The following CENPP variants were observed in gnomAD, a reference collection of about 807,000 sequenced individuals.
The protein encoded by CENPP is centromere protein P.
Under a neutral mutation model 35.6 loss-of-function variants are expected in CENPP, and 24 were observed. The ratio of observed to expected loss-of-function variants is 0.67; its 90% confidence interval spans 0.49 to 0.95. The LOEUF is 0.95. CENPP is among the 40% of genes least tolerant of loss of function. CENPP has a pLI of 0.00. For missense variants in CENPP, 332 were observed against 345.3 expected (o/e 0.96, Z 0.31); for synonymous variants, 120 against 125.5 (o/e 0.96, Z 0.29).
intron 5 of CENPP, among the ~76,000 whole-genome samples, chr9:92,425,643 A>G (rs1293230234): frequency 6.6e-6 from 1 of 152,220 alleles, no homozygotes; most frequent in African/African-American, 2.4e-5. Flanking sequence ...TTTACAAAGA[A>G]CTCACAAGAT....
rs79080591 is a variant in CENPP at position 92,392,322 on chromosome 9, G to C, written c.564+12463G>C. Among the ~76,000 whole-genome samples, 335 of 152,208 alleles carry C rather than the reference G, an allele frequency of 2.2e-3. 4 individuals carry two copies. In the East Asian group the frequency reaches 0.04, roughly 18 times the overall value. Reference sequence around the variant, plus strand: ...CCCTGGGAAGTAGGACCTAGTATCAGTATTTAAAAAATACTTCCCTGCCGG... The same window carrying C: ...CCCTGGGAAGTAGGACCTAGTATCACTATTTAAAAAATACTTCCCTGCCGG... On this transcript the variant is annotated intron_variant, in intron 5 of 7. Transcript: ENST00000375587.
chr9:92,426,678 G>A (rs1843976402), intron 5 of CENPP, among the ~76,000 whole-genome samples: 1 of 152,130 alleles, frequency 6.6e-6, no homozygotes, highest in African/African-American at 2.4e-5. Context: ...TATGGCAGAT[G>A]GTGAGAGCCA....
chr9:92,581,040 T>G (rs1219345843), intron 5 of CENPP, among the ~76,000 whole-genome samples: 3 of 152,224 alleles, frequency 2.0e-5, no homozygotes, highest in African/African-American at 7.2e-5. Flanking sequence ...TCTTTATTTC[T>G]GCCTTCATTT....
intron 5 of CENPP, among the ~76,000 whole-genome samples, chr9:92,486,738 T>G (rs78003914): frequency 0.015 from 2,295 of 152,154 alleles, 60 homozygotes; most frequent in African/African-American, 0.051. Context: ...TTATGAAAAA[T>G]GAAGGACTTA....
At chr9:92,562,498 G>A (rs934378999) in intron 5 of CENPP, among the ~76,000 whole-genome samples, 8 of 151,972 alleles carry the variant, frequency 5.3e-5, no homozygotes, top group African/African-American at 1.5e-4. Flanking sequence ...GAGCCACCGC[G>A]CCCTGCCCCA....
intron 5 of CENPP, chr9:92,415,361 A>G: frequency 6.2e-7 from 1 of 1,612,692 alleles, no homozygotes; most frequent in Non-Finnish European, 8.5e-7. Context: ...TGAGGGAAGC[A>G]GAAGAAGATG....
At chr9:92,335,484 C>T (rs1840897050) in intron 2 of CENPP, among the ~76,000 whole-genome samples, 1 of 151,756 alleles carries the variant, frequency 6.6e-6, no homozygotes, top group South Asian at 2.1e-4. Context: ...AGATTTTCTC[C>T]TATATTCTAG....
chr9:92,410,569 G>A (rs1843419035), intron 5 of CENPP, among the ~76,000 whole-genome samples: 1 of 152,152 alleles, frequency 6.6e-6, no homozygotes, highest in South Asian at 2.1e-4. Context: ...TTGTGAACTT[G>A]TGAGATATAT....
chr9:92,355,873 A>G (rs949311057), intron 4 of CENPP, among the ~76,000 whole-genome samples: 3 of 152,234 alleles, frequency 2.0e-5, no homozygotes, highest in Non-Finnish European at 4.4e-5. Context: ...AAACTATTTC[A>G]ATTCTTGTAG....
rs577066771 is a variant in CENPP at position 92,404,920 on chromosome 9, G to C, written c.564+25061G>C. ...AACAATCTGCTTTTTGAATGAAATA[G>C]GACACCAAATGACAACATAGTCCAT... On this transcript the variant is annotated intron_variant, in intron 5 of 7. Transcript: ENST00000375587. Among the ~76,000 whole-genome samples, 10 of 152,128 alleles carry C rather than the reference G, an allele frequency of 6.6e-5. No individual in the cohort carries two copies. The East Asian group carries it at 1.5e-3, about 23-fold the overall frequency.
intron 5 of CENPP, among the ~76,000 whole-genome samples, chr9:92,390,587 TGC>T (rs1554756507): frequency 7.1e-6 from 1 of 141,812 alleles, no homozygotes; most frequent in African/African-American, 2.5e-5. Context: ...TGTGTGTGTG[TGC>T]GCGCGCGCGT....
chr9:92,529,090 A>T (rs1848588225), intron 5 of CENPP, among the ~76,000 whole-genome samples: 1 of 152,238 alleles, frequency 6.6e-6, no homozygotes, highest in African/African-American at 2.4e-5. Flanking sequence ...AAAATACATG[A>T]CAAGGGATGA....
intron 5 of CENPP, among the ~76,000 whole-genome samples, chr9:92,380,550 C>T (rs184850549): frequency 3.3e-5 from 5 of 149,886 alleles, no homozygotes; most frequent in African/African-American, 7.3e-5. Flanking sequence ...ACTAACTCTC[C>T]TTTATTTGGG....
In CENPP at chr9:92,440,600, A is replaced by G. The variant is rs144380649; in HGVS notation, c.564+60741A>G. On this transcript the variant is annotated intron_variant, in intron 5 of 7. Coordinates refer to ENST00000375587, the MANE Select transcript of CENPP (RefSeq NM_001012267.3). ...TGGTAAGAGTGCTAACATCTGTAGT[A>G]AGACCAAATCTCCTATCTGTAAAAT... Among the ~76,000 whole-genome samples, 188 of 152,304 alleles carry G rather than the reference A, an allele frequency of 1.2e-3. 1 individual carries two copies. The highest frequency in any genetic ancestry group is 1.2e-3 in the Non-Finnish European group (83 of 68,028).
At chr9:92,374,225 G>A (rs1842073620) in intron 4 of CENPP, among the ~76,000 whole-genome samples, 1 of 147,152 alleles carries the variant, frequency 6.8e-6, no homozygotes, top group South Asian at 2.2e-4. Context: ...ATTTACTTCT[G>A]CTGTTTTGCT....
chr9:92,514,640 C>T (rs758674355), intron 5 of CENPP: 1 of 1,580,258 alleles, frequency 6.3e-7, no homozygotes, highest in South Asian at 1.2e-5. Context: ...CCAGTGAGCT[C>T]CAGACTTGTT....
chr9:92,459,151 G>A (rs1390651692), intron 5 of CENPP, among the ~76,000 whole-genome samples: 1 of 152,086 alleles, frequency 6.6e-6, no homozygotes, highest in Non-Finnish European at 1.5e-5. Flanking sequence ...ACTTTAAATT[G>A]GTTATATACT....
intron 5 of CENPP, chr9:92,393,301 CTAG>C (rs923895761): frequency 3.3e-5 from 46 of 1,374,266 alleles, no homozygotes; most frequent in African/African-American, 8.8e-5. Context: ...TATTTCTCCT[CTAG>C]TAGTAAAATT....
intron 5 of CENPP, chr9:92,456,940 A>T (rs1342216616): frequency 2.9e-6 from 3 of 1,032,432 alleles, no homozygotes; most frequent in Non-Finnish European, 3.5e-6. Context: ...CAAGCATTCC[A>T]TTTACAGTAC....
Sources: gnomAD v4.1 joint callset for allele counts (sites outside exome capture counted in the v4.1 genomes callset) on GRCh38, gnomAD v4.1.1 for gene constraint, MANE v1.5 for transcripts, NCBI Gene and HGNC (gene_info 2026-07-23, HGNC 2026-07-21) for gene names.